The following FARP2 variants were observed in gnomAD, a reference collection of about 807,000 sequenced individuals.
FARP2 encodes FERM, ARH/RhoGEF and pleckstrin domain protein 2.
FARP2 carries 111 observed loss-of-function variants against 130.5 expected under a neutral mutation model. The ratio of observed to expected loss-of-function variants is 0.85; its 90% confidence interval spans 0.73 to 1.00. The LOEUF is 1.00. Among genes scored for constraint, FARP2 ranks in the 50% least tolerant of loss-of-function variants. The probability of loss-of-function intolerance (pLI) is 0.00; values close to 1 mark genes in which losing one functional copy is unlikely to be tolerated. For synonymous variants in FARP2, 504 were observed against 516.9 expected (o/e 0.98, Z 0.34); for missense variants, 1,385 against 1,346.3 (o/e 1.03, Z -0.45).
intron 22 of FARP2, among the ~76,000 whole-genome samples, chr2:241,490,812 C>G (rs761735138): frequency 2.9e-4 from 44 of 152,248 alleles, no homozygotes; most frequent in Admixed American, 8.5e-4. Flanking sequence ...ACCCCCTGTT[C>G]TAGGACCGGG....
At chr2:241,391,381 C>G (rs2061900391) in intron 2 of FARP2, among the ~76,000 whole-genome samples, 1 of 152,166 alleles carries the variant, frequency 6.6e-6, no homozygotes, top group Non-Finnish European at 1.5e-5. Flanking sequence ...CCTCCTTCAC[C>G]TTGGGGTGTG....
At chr2:241,394,300 C>T (rs533204176) in intron 2 of FARP2, among the ~76,000 whole-genome samples, 10 of 152,068 alleles carry the variant, frequency 6.6e-5, no homozygotes, top group African/African-American at 9.7e-5. Context: ...AGGCTGATCA[C>T]GAGGTCAGGA....
rs572860461 is a variant in FARP2 at position 241,369,910 on chromosome 2, T to C, written c.-24-3174T>C. 1.7e-4 allele frequency among the ~76,000 whole-genome samples: 26 copies of C among 152,330 alleles called. 1 individual carries two copies. The South Asian group carries it at 5.2e-3, about 30-fold the overall frequency. On this transcript the variant is annotated intron_variant, in intron 1 of 26. Transcript: ENST00000264042. Reference sequence around the variant, plus strand: ...CCTTCAAAGTGGAAGTCTTCTTCATTTGCATTCTCTTACTTTTGCATTAAC... The same window carrying C: ...CCTTCAAAGTGGAAGTCTTCTTCATCTGCATTCTCTTACTTTTGCATTAAC...
At chr2:241,456,961 A>G in intron 14 of FARP2, 39 bp downstream of exon 14, 3 of 1,520,442 alleles carry the variant, frequency 2.0e-6, no homozygotes, top group South Asian at 2.6e-5. Flanking sequence ...AGAGGGTTGC[A>G]GGGTGGGCCT....
intron 14 of FARP2, 43 bp from the exon 15 acceptor site, chr2:241,462,480 C>G: frequency 1.4e-6 from 2 of 1,436,946 alleles, no homozygotes; most frequent in Non-Finnish European, 9.8e-7. Flanking sequence ...GGGAGGGTCC[C>G]ATGTCCCAGG....
At chr2:241,440,739 C>T (rs1221913377) in intron 12 of FARP2, among the ~76,000 whole-genome samples, 1 of 152,160 alleles carries the variant, frequency 6.6e-6, no homozygotes, top group Non-Finnish European at 1.5e-5. Context: ...GTTCTATTGG[C>T]TGAGTGGAAT....
intron 17 of FARP2, chr2:241,465,961 A>C: frequency 7.1e-7 from 1 of 1,413,206 alleles, no homozygotes; most frequent in African/African-American, 1.4e-5. Context: ...TTAATGAGAA[A>C]GTTCTACTTA....
chr2:241,441,796 G>A, intron 13 of FARP2: 1 of 616,160 alleles, frequency 1.6e-6, no homozygotes, highest in Non-Finnish European at 2.9e-6. Flanking sequence ...CCAGCTGCAG[G>A]TATCTGAGGA....
At chr2:241,407,444 TGGAA>T in intron 4 of FARP2, 89 bp from the exon 5 acceptor site, 1 of 944,266 alleles carries the variant, frequency 1.1e-6, no homozygotes, top group Admixed American at 1.9e-5. Flanking sequence ...ACAGTCCACT[TGGAA>T]GCATGACCTC....
intron 12 of FARP2, among the ~76,000 whole-genome samples, chr2:241,437,231 T>C (rs2150407492): frequency 6.6e-6 from 1 of 152,360 alleles, no homozygotes; most frequent in South Asian, 2.1e-4. Context: ...TATCTCTATG[T>C]CTTTGGCATG....
chr2:241,459,755 C>T lies in FARP2; in HGVS notation c.1588-2768C>T, dbSNP rs976637041. Among the ~76,000 whole-genome samples, 1 of 136,468 alleles carries T rather than the reference C, an allele frequency of 7.3e-6. No homozygotes were observed. Among genetic ancestry groups the T allele is most frequent in the Non-Finnish European group, 1.5e-5 (1 of 64,610 alleles). The allele number at this position is 136,468 out of a possible 152,430, so 89.5% of individuals were successfully genotyped here. A position where few individuals can be genotyped will look rare whatever the true frequency, so the allele number is the denominator to read the frequency against. On this transcript the variant is annotated intron_variant, in intron 14 of 26. Transcript: ENST00000264042. This position sits in a 1 kb window ranked among gnomAD's most constrained non-coding sequence, Gnocchi z 5.3. ...GACATTGATCTAGAGGTGGGGGCAG[C>T]GTGGCAGCTGCTGTATTTTCTGTCC...
intron 22 of FARP2, among the ~76,000 whole-genome samples, chr2:241,490,670 C>A (rs56697150): frequency 0.21 from 32,479 of 152,090 alleles, 4,069 homozygotes; most frequent in East Asian, 0.57. Context: ...CTGCAGCGCC[C>A]TGGCCAGCAT....
intron 1 of FARP2, among the ~76,000 whole-genome samples, chr2:241,367,527 T>C (rs1032372695): frequency 1.3e-5 from 2 of 152,282 alleles, no homozygotes; most frequent in Non-Finnish European, 2.9e-5. Context: ...GGAATTCCAT[T>C]TGAACATCAT....
At chr2:241,487,621 C>A (rs2064784466) in intron 21 of FARP2, among the ~76,000 whole-genome samples, 3 of 142,206 alleles carry the variant, frequency 2.1e-5, no homozygotes, top group Admixed American at 1.4e-4. Flanking sequence ...GAGCCGAGAT[C>A]ACACCACTGC....
At chr2:241,363,940 G>A (rs1575448843) in intron 1 of FARP2, among the ~76,000 whole-genome samples, 1 of 152,250 alleles carries the variant, frequency 6.6e-6, no homozygotes, top group Admixed American at 6.5e-5. Context: ...TAAAGCTGAG[G>A]TGGTGCCTAT....
intron 6 of FARP2, among the ~76,000 whole-genome samples, 197 bp from the exon 7 acceptor site, chr2:241,413,110 C>T (rs1475719067): frequency 6.6e-6 from 1 of 152,122 alleles, no homozygotes; most frequent in Non-Finnish European, 1.5e-5. Flanking sequence ...AAGAAATCCT[C>T]TTCACTTCCC....
At chr2:241,491,010 G>A in intron 22 of FARP2, 51 bp from the exon 23 acceptor site, 3 of 1,404,914 alleles carry the variant, frequency 2.1e-6, no homozygotes, top group African/African-American at 2.8e-5. Flanking sequence ...GAGGGCTGGG[G>A]CCCTACACAA....
intron 1 of FARP2, among the ~76,000 whole-genome samples, chr2:241,368,834 C>G (rs1357208580): frequency 2.0e-5 from 3 of 152,104 alleles, no homozygotes; most frequent in Admixed American, 1.3e-4. Flanking sequence ...AAACTTAAGT[C>G]TTAGTCTTAA....
chr2:241,407,800 G>A (rs2062402172), intron 5 of FARP2, among the ~76,000 whole-genome samples, 185 bp downstream of exon 5: 1 of 152,192 alleles, frequency 6.6e-6, no homozygotes, highest in African/African-American at 2.4e-5. Flanking sequence ...ATGTGAATAA[G>A]ACTTCAGTGT....
Sources: allele counts gnomAD v4.1 joint callset (sites outside exome capture counted in the v4.1 genomes callset), GRCh38; gene constraint gnomAD v4.1.1; non-coding constraint Gnocchi (gnomAD v3.1); transcripts MANE v1.5; gene names NCBI Gene and HGNC (gene_info 2026-07-23, HGNC 2026-07-21).